BMP6: variants seen among roughly 807,000 people sequenced by gnomAD.
BMP6 encodes VG-1-R.
In BMP6, 17 loss-of-function variants were observed where a neutral mutation model predicts 54.1. The ratio of observed to expected loss-of-function variants is 0.31; its 90% CI spans 0.22 to 0.47. The LOEUF (loss-of-function observed/expected upper bound fraction) is 0.47. BMP6 is among the 20% of genes least tolerant of loss of function. BMP6 has a pLI of 1.00. For synonymous variants in BMP6, 328 were observed against 291.2 expected (o/e 1.13, Z -1.28); for missense variants, 720 against 690.4 (o/e 1.04, Z -0.48).
intron 1 of BMP6, among the ~76,000 whole-genome samples, chr6:7,748,175 G>A (rs913071149): frequency 3.9e-5 from 6 of 152,028 alleles, no homozygotes; most frequent in East Asian, 1.9e-4. Context: ...TTTGGTTTTC[G>A]GTGAGTTTTC....
chr6:7,844,978 C>T (rs1001490136), intron 1 of BMP6, among the ~76,000 whole-genome samples, 162 bp from the exon 2 acceptor site: 1 of 152,156 alleles, frequency 6.6e-6, no homozygotes, highest in African/African-American at 2.4e-5. Context: ...TTCATCTCCT[C>T]CTCATGGGCC....
chr6:7,780,530 C>G (rs1312184059), intron 1 of BMP6, among the ~76,000 whole-genome samples: 1 of 150,666 alleles, frequency 6.6e-6, no homozygotes, highest in African/African-American at 2.4e-5. Context: ...GCCTGGACAA[C>G]AAGAGTGAAA....
At chr6:7,878,234 C>T (rs1178167691) in intron 4 of BMP6, among the ~76,000 whole-genome samples, 3 of 152,184 alleles carry the variant, frequency 2.0e-5, no homozygotes, top group African/African-American at 7.2e-5. Flanking sequence ...CTGTTTTACA[C>T]CACCCCTTCA....
At chr6:7,770,066 C>A (rs1429890795) in intron 1 of BMP6, among the ~76,000 whole-genome samples, 1 of 152,100 alleles carries the variant, frequency 6.6e-6, no homozygotes, top group African/African-American at 2.4e-5. Flanking sequence ...CTCCCCTCGC[C>A]CCCTTTTTAA....
intron 1 of BMP6, among the ~76,000 whole-genome samples, chr6:7,762,170 C>T (rs1757623442): frequency 6.6e-6 from 1 of 152,210 alleles, no homozygotes; most frequent in Non-Finnish European, 1.5e-5. Context: ...GATCCACCTA[C>T]CTCAGCCTCC....
chr6:7,855,369 G>A (rs564716473), intron 2 of BMP6, among the ~76,000 whole-genome samples: 21 of 152,080 alleles, frequency 1.4e-4, no homozygotes, highest in Non-Finnish European at 2.8e-4. Context: ...CCCTAGGGGT[G>A]AGGGGCAGCA....
At chr6:7,778,016 C>T (rs1757887419) in intron 1 of BMP6, among the ~76,000 whole-genome samples, 1 of 152,154 alleles carries the variant, frequency 6.6e-6, no homozygotes, top group South Asian at 2.1e-4. Context: ...CCTGTTCGTT[C>T]AGAAGTCTGG....
rs946116174 is a variant in BMP6, at chr6:7,862,594, C to G, written c.1204+96C>G. 6 of 1,476,250 alleles carry G rather than the reference C, an allele frequency of 4.1e-6. No homozygotes were observed. The East Asian group carries it at 1.4e-4, about 35-fold the overall frequency. The allele number at this position is 1,476,250 out of a possible 1,614,324, so 91.4% of individuals were successfully genotyped here. The stretch of plus-strand genomic sequence containing the variant: ...AGTCTCAGATGTCGGGCAGCTTCTG[C>G]ACAGCAAATCCAAAGGCAAATAGGT... On this transcript the variant is annotated intron_variant, in intron 4 of 6. Coordinates refer to ENST00000283147, the MANE Select transcript of BMP6 (RefSeq NM_001718.6).
intron 1 of BMP6, among the ~76,000 whole-genome samples, chr6:7,840,143 C>G (rs994961367): frequency 6.6e-6 from 1 of 152,176 alleles, no homozygotes; most frequent in Non-Finnish European, 1.5e-5. Context: ...CATAACCAGG[C>G]CTACATTTTC....
At chr6:7,838,321 G>C (rs994915245) in intron 1 of BMP6, among the ~76,000 whole-genome samples, 1 of 152,032 alleles carries the variant, frequency 6.6e-6, no homozygotes, top group African/African-American at 2.4e-5. Flanking sequence ...CACTATTCAC[G>C]GTTTCAGGCA....
At position 7,727,534 on chromosome 6, in the gene BMP6, C is replaced by T. The variant is rs758473354; in HGVS notation, c.579C>T (p.Gly193=). ...NRKSLLAPGS[G]SGGASPLTSA... is the part of the protein sequence containing the mutation. ...AGAGCCTTCTGGCCCCCGGATCTGG[C>T]AGCGGCGGCGCGTCCCCACTGACCA... The change falls in exon 1 of 7, where the codon GGC becomes GGT. Residue 193 remains glycine, a synonymous_variant. Transcript: ENST00000283147. 6.3e-7 allele frequency: 1 copy of T among 1,595,180 alleles called. No individual in the cohort carries two copies. The highest frequency in any genetic ancestry group is 8.5e-7 in the Non-Finnish European group (1 of 1,177,726).
At chr6:7,851,293 T>C (rs1416841147) in intron 2 of BMP6, among the ~76,000 whole-genome samples, 2 of 152,336 alleles carry the variant, frequency 1.3e-5, no homozygotes, top group East Asian at 3.9e-4. Context: ...CTCAGTAATA[T>C]AGTTTTTTGT....
At chr6:7,754,150 A>C (rs1254567106) in intron 1 of BMP6, among the ~76,000 whole-genome samples, 1 of 152,006 alleles carries the variant, frequency 6.6e-6, no homozygotes, top group African/African-American at 2.4e-5. Flanking sequence ...CAGAGTCTTC[A>C]TGTGTCATCC....
chr6:7,743,409 C>T (rs1757299908), intron 1 of BMP6, among the ~76,000 whole-genome samples: 2 of 152,078 alleles, frequency 1.3e-5, no homozygotes, highest in Admixed American at 1.3e-4. Context: ...TTATCTTGTG[C>T]CTGTAGGATG....
At chr6:7,800,314 T>G (rs541444199) in intron 1 of BMP6, among the ~76,000 whole-genome samples, 4 of 152,200 alleles carry the variant, frequency 2.6e-5, no homozygotes, top group African/African-American at 9.7e-5. Context: ...TGAACTCTTA[T>G]GGAGAGAGCT....
intron 1 of BMP6, among the ~76,000 whole-genome samples, chr6:7,793,222 A>G (rs1758137351): frequency 6.6e-6 from 1 of 152,164 alleles, no homozygotes; most frequent in African/African-American, 2.4e-5. Flanking sequence ...TTCAAGCTAC[A>G]GAGGAATATA....
intron 1 of BMP6, among the ~76,000 whole-genome samples, chr6:7,734,894 G>A (rs1482502321): frequency 6.6e-6 from 1 of 152,242 alleles, no homozygotes; most frequent in Non-Finnish European, 1.5e-5. Context: ...TGAGGTTCTG[G>A]TTCCAAGTGG....
intron 1 of BMP6, among the ~76,000 whole-genome samples, chr6:7,818,856 C>T (rs1208228067): frequency 1.3e-5 from 2 of 152,204 alleles, no homozygotes; most frequent in African/African-American, 4.8e-5. Context: ...AAAAGACCAT[C>T]AGGATCTGGG....
At chr6:7,743,356 C>G (rs750260775) in intron 1 of BMP6, among the ~76,000 whole-genome samples, 1 of 152,172 alleles carries the variant, frequency 6.6e-6, no homozygotes, top group African/African-American at 2.4e-5. Context: ...ATCGAAATAT[C>G]TGTGCCCTTT....
Sources: allele counts gnomAD v4.1 joint callset (sites outside exome capture counted in the v4.1 genomes callset), GRCh38; gene constraint gnomAD v4.1.1; transcripts MANE v1.5; gene names NCBI Gene and HGNC (gene_info 2026-07-23, HGNC 2026-07-21).